Variants in ANXA8 observed in about 807,000 individuals in gnomAD.
The protein encoded by ANXA8 is annexin A8.
A neutral mutation model predicts 26.8 loss-of-function variants in ANXA8; 9 were observed. The ratio of observed to expected loss-of-function variants is 0.34; its 90% CI spans 0.20 to 0.59. The LOEUF (loss-of-function observed/expected upper bound fraction) is 0.59, where lower values mean the gene tolerates loss of function less well. Ranked by LOEUF, ANXA8 falls within the 20% of genes least tolerant of loss-of-function variation. The pLI, the probability that ANXA8 is intolerant of heterozygous loss-of-function variation, is 0.84. For missense variants in ANXA8, 83 were observed against 238.5 expected (o/e 0.35, Z 4.29); for synonymous variants, 39 against 94.8 (o/e 0.41, Z 3.42).
the ANXA8 span, among the ~76,000 whole-genome samples, chr10:47,528,795 T>C: frequency 7.3e-6 from 1 of 136,986 alleles, no homozygotes; most frequent in East Asian, 2.5e-4. Flanking sequence ...ATATTTAATT[T>C]AATTCTGTGG....
At chr10:47,495,254 GCATTAT>G in the ANXA8 span, among the ~76,000 whole-genome samples, 2 of 115,924 alleles carry the variant, frequency 1.7e-5, no homozygotes, top group Non-Finnish European at 3.7e-5. Flanking sequence ...TAGAAACATG[GCATTAT>G]TATTATTATT....
chr10:47,941,696 CA>C, the ANXA8 span, among the ~76,000 whole-genome samples: 1 of 147,334 alleles, frequency 6.8e-6, no homozygotes, highest in Non-Finnish European at 1.5e-5. Context: ...GTGCCAGATA[CA>C]TGCATTTACT....
chr10:47,506,396 T>C, the ANXA8 span, among the ~76,000 whole-genome samples: 5 of 140,278 alleles, frequency 3.6e-5, no homozygotes, highest in African/African-American at 1.3e-4. Flanking sequence ...AATGGCAAGA[T>C]CTCGGCTCAC....
chr10:47,488,735 T>G, upstream of ANXA8, among the ~76,000 whole-genome samples: 1 of 129,848 alleles, frequency 7.7e-6, no homozygotes, highest in Non-Finnish European at 1.6e-5. Context: ...TTTTTTTTTT[T>G]TTTTTTTTTT....
At chr10:47,652,787 G>C in the ANXA8 span, among the ~76,000 whole-genome samples, 1 of 144,418 alleles carries the variant, frequency 6.9e-6, no homozygotes, top group Non-Finnish European at 1.5e-5. Flanking sequence ...GCAACATTCT[G>C]TTGTGGGAAA....
chr10:47,493,669 G>A, the ANXA8 span, among the ~76,000 whole-genome samples: 5 of 151,082 alleles, frequency 3.3e-5, no homozygotes, highest in African/African-American at 7.4e-5. Context: ...CCACACAGCA[G>A]GACCCTGGCC....
chr10:47,669,495 G>A, the ANXA8 span, among the ~76,000 whole-genome samples: 2 of 151,634 alleles, frequency 1.3e-5, no homozygotes, highest in African/African-American at 2.4e-5. Flanking sequence ...GAGGCAGGTA[G>A]ACTCCTTGCA....
the ANXA8 span, among the ~76,000 whole-genome samples, chr10:47,775,987 T>G: frequency 2.0e-5 from 3 of 151,786 alleles, no homozygotes; most frequent in Non-Finnish European, 4.4e-5. Flanking sequence ...GAAGGATATG[T>G]GAAGACGTGC....
At chr10:47,651,072 G>A in the ANXA8 span, among the ~76,000 whole-genome samples, 4 of 151,524 alleles carry the variant, frequency 2.6e-5, no homozygotes, top group South Asian at 8.3e-4. Flanking sequence ...CGTGGTTTGT[G>A]CCTGTAGTTC....
At chr10:47,674,303 T>G in the ANXA8 span, among the ~76,000 whole-genome samples, 1 of 151,034 alleles carries the variant, frequency 6.6e-6, no homozygotes, top group Non-Finnish European at 1.5e-5. Flanking sequence ...GGCTAATTTT[T>G]TTTTTTTTAA....
chr10:47,904,432 G>GT, the ANXA8 span, among the ~76,000 whole-genome samples: 2 of 60,248 alleles, frequency 3.3e-5, 1 homozygote, highest in East Asian at 5.5e-4. Context: ...AGGCATTACA[G>GT]TTTTTTCTTT....
At chr10:47,570,236 C>A in the ANXA8 span, among the ~76,000 whole-genome samples, 4 of 139,426 alleles carry the variant, frequency 2.9e-5, no homozygotes, top group Admixed American at 3.0e-4. Context: ...CCTTTCTATA[C>A]ATATATTTTT....
At chr10:47,664,236 G>A in the ANXA8 span, among the ~76,000 whole-genome samples, 5 of 151,922 alleles carry the variant, frequency 3.3e-5, no homozygotes, top group African/African-American at 1.2e-4. Context: ...AAATGAGCCG[G>A]GCGTGGTGGC....
chr10:47,495,378 C>CGCGTTCAAGAGATCCTCCT, the ANXA8 span, among the ~76,000 whole-genome samples: 1 of 147,060 alleles, frequency 6.8e-6, no homozygotes, highest in Non-Finnish European at 1.5e-5. Flanking sequence ...TTCTGCCTCC[C>CGCGTTCAAGAGATCCTCCT]GCGTTCAAGA....
chr10:47,969,138 T>A, the ANXA8 span, among the ~76,000 whole-genome samples: 276 of 150,938 alleles, frequency 1.8e-3, 4 homozygotes, highest in African/African-American at 6.4e-3. Flanking sequence ...GAGGAAGTTG[T>A]GAGAGAGATC....
the ANXA8 span, chr10:47,581,588 A>G: frequency 1.1e-5 from 5 of 471,650 alleles, no homozygotes; most frequent in African/African-American, 8.3e-5. Flanking sequence ...TCTAAAGGCA[A>G]ACATGTAACT....
At chr10:47,694,598 T>G in the ANXA8 span, among the ~76,000 whole-genome samples, 1 of 151,558 alleles carries the variant, frequency 6.6e-6, no homozygotes, top group African/African-American at 2.4e-5. Context: ...TTTTTGTATT[T>G]TTAGTAGAGG....
At chr10:47,485,967 G>C (rs1422478688), upstream of ANXA8, among the ~76,000 whole-genome samples, 1 of 151,848 alleles carries the variant, frequency 6.6e-6, no homozygotes, top group African/African-American at 2.4e-5. Context: ...AATTAGCCAG[G>C]AGTGGTGGCG....
At chr10:47,976,171 A>AAC in the ANXA8 span, among the ~76,000 whole-genome samples, 6 of 148,784 alleles carry the variant, frequency 4.0e-5, no homozygotes, top group Non-Finnish European at 7.5e-5. Flanking sequence ...AACCAAGAGA[A>AAC]ACACTTGCAG....
Sources: gnomAD v4.1 joint callset for allele counts (sites outside exome capture counted in the v4.1 genomes callset) on GRCh38, gnomAD v4.1.1 for gene constraint, MANE v1.5 for transcripts, NCBI Gene and HGNC (gene_info 2026-07-23, HGNC 2026-07-21) for gene names.